Variants in LARP4 observed in about 807,000 individuals in gnomAD.
LARP4 encodes the protein la-related protein 4.
LARP4 carries 29 observed loss-of-function variants against 92.9 expected under a neutral mutation model. The observed-to-expected ratio is 0.31, with a 90% CI of 0.23 to 0.43. LARP4 has a LOEUF of 0.43. LARP4 is among the 20% of genes least tolerant of loss of function. The pLI, the probability that LARP4 is intolerant of heterozygous loss-of-function variation, is 1.00. For synonymous variants in LARP4, 279 were observed against 284.1 expected, an observed-to-expected ratio of 0.98 and a Z score of 0.18; for missense variants, 732 against 860.0, an observed-to-expected ratio of 0.85 and a Z score of 1.86.
chr12:50,408,091 A>G (rs550664032), intron 1 of LARP4, among the ~76,000 whole-genome samples: 6 of 147,840 alleles, frequency 4.1e-5, no homozygotes, highest in African/African-American at 1.5e-4. Flanking sequence ...TAGGGGTAGG[A>G]TGTGAACTGC....
At chr12:50,401,053 C>A in intron 1 of LARP4, 25 bp downstream of exon 1, 1 of 1,613,858 alleles carries the variant, frequency 6.2e-7, no homozygotes, top group African/African-American at 1.3e-5. Flanking sequence ...CTAGTCTCGT[C>A]CTGCTCTTAG....
intron 10 of LARP4, among the ~76,000 whole-genome samples, chr12:50,459,284 CCA>C (rs1330473367): frequency 2.6e-5 from 4 of 152,130 alleles, no homozygotes; most frequent in Admixed American, 1.3e-4. Context: ...CAGGCGTGAG[CCA>C]CCATGCCCGG....
At chr12:50,473,310 A>T in intron 13 of LARP4, 105 bp from the exon 14 acceptor site, 2 of 764,982 alleles carry the variant, frequency 2.6e-6, no homozygotes, top group Non-Finnish European at 4.3e-6. Context: ...TTTGCATTTT[A>T]TGATGACTAA....
At chr12:50,415,489 C>T (rs1036037175) in intron 1 of LARP4, among the ~76,000 whole-genome samples, 3 of 151,896 alleles carry the variant, frequency 2.0e-5, no homozygotes, top group South Asian at 4.1e-4. Flanking sequence ...CATAATCCTC[C>T]GATATTTGGA....
At chr12:50,448,935 C>T (rs1486571512) in intron 8 of LARP4, among the ~76,000 whole-genome samples, 3 of 152,132 alleles carry the variant, frequency 2.0e-5, no homozygotes, top group African/African-American at 7.2e-5. Flanking sequence ...CCTGATTCCC[C>T]TTCTTTCTCG....
In LARP4 at chr12:50,437,792, G is replaced by A. The variant is rs1418998899; in HGVS notation, c.593G>A (p.Arg198His). Residue 198 changes from arginine (R) to histidine (H), a missense_variant, in exon 6 of 16, where the codon CGT becomes CAT. By Grantham distance (29) the Arg-to-His change is conservative. This residue lies in a region of LARP4 where 236 missense variants were observed against 307.6 expected (regional missense o/e 0.77). Transcript: ENST00000398473. The stretch of plus-strand genomic sequence containing the variant: ...GAGAAAGTGAGACCAAGTCATAAGC[G>A]TTGTATTGTAATTCTTAGAGAGATT... ...KGEKVRPSHK[R>H]CIVILREIPE... 1.2e-6 allele frequency: 2 copies of A among 1,611,236 alleles called. No individual in the cohort carries two copies. Among genetic ancestry groups the A allele is most frequent in the Admixed American group, 1.7e-5 (1 of 59,978 alleles).
At chr12:50,450,232 C>G (rs946756200) in intron 8 of LARP4, among the ~76,000 whole-genome samples, 1 of 151,932 alleles carries the variant, frequency 6.6e-6, no homozygotes, top group African/African-American at 2.4e-5. Context: ...GCCTGGCCAG[C>G]CGTAGCAATC....
At chr12:50,431,566 G>A (rs1949663293) in intron 4 of LARP4, among the ~76,000 whole-genome samples, 1 of 152,100 alleles carries the variant, frequency 6.6e-6, no homozygotes, top group Non-Finnish European at 1.5e-5. Flanking sequence ...AGAATAATGG[G>A]CCAGGCGCAG....
intron 1 of LARP4, among the ~76,000 whole-genome samples, chr12:50,408,381 G>C (rs1424363408): frequency 6.6e-6 from 1 of 151,690 alleles, no homozygotes; most frequent in Non-Finnish European, 1.5e-5. Context: ...ATTTTTAGTA[G>C]AGACAGGGAT....
At chr12:50,473,858 C>A (rs1345448837) in intron 14 of LARP4, 141 bp from the exon 15 acceptor site, 8 of 555,240 alleles carry the variant, frequency 1.4e-5, no homozygotes, top group African/African-American at 1.3e-4. Flanking sequence ...TGCAGTGAGC[C>A]AAGAGCATGC....
At chr12:50,410,553 C>T (rs1220719574) in intron 1 of LARP4, among the ~76,000 whole-genome samples, 1 of 151,532 alleles carries the variant, frequency 6.6e-6, no homozygotes, top group Middle Eastern at 3.2e-3. Context: ...TTACAGGCGC[C>T]CACCACCACG....
At chr12:50,445,936 T>C (rs1310372185) in intron 8 of LARP4, among the ~76,000 whole-genome samples, 1 of 152,104 alleles carries the variant, frequency 6.6e-6, no homozygotes, top group African/African-American at 2.4e-5. Flanking sequence ...TTTTTTTGAT[T>C]CTTTTTCACC....
intron 1 of LARP4, among the ~76,000 whole-genome samples, chr12:50,413,029 A>C (rs1479188493): frequency 6.6e-6 from 1 of 151,866 alleles, no homozygotes; most frequent in Non-Finnish European, 1.5e-5. Flanking sequence ...TGAGAACAGC[A>C]TGACCAACAT....
In LARP4 at chr12:50,400,909, G is replaced by T. The variant is rs1004125893; in HGVS notation, c.-102G>T. ...GAGCCGGGTCCACTGCCGGGTGGAG[G>T]GGCAAGGCGAGTGTGTGTCCTTATC... On this transcript the variant is annotated 5_prime_UTR_variant, in exon 1 of 16. Coordinates refer to ENST00000398473, the MANE Select transcript of LARP4 (RefSeq NM_052879.5). 47 of 1,527,012 alleles carry T rather than the reference G, an allele frequency of 3.1e-5. No individual in the cohort carries two copies. The highest frequency in any genetic ancestry group is 4.1e-5 in the Non-Finnish European group (45 of 1,100,760). 94.6% of individuals were successfully genotyped at this position (1,527,012 alleles called of 1,614,324 possible).
intron 5 of LARP4, among the ~76,000 whole-genome samples, chr12:50,435,923 G>A (rs995024878): frequency 2.6e-5 from 4 of 151,802 alleles, no homozygotes; most frequent in African/African-American, 7.3e-5. Flanking sequence ...GACCCCAGGC[G>A]CACACCACCA....
chr12:50,403,724 T>A (rs527555530), intron 1 of LARP4, among the ~76,000 whole-genome samples: 189 of 152,300 alleles, frequency 1.2e-3, no homozygotes, highest in African/African-American at 4.5e-3. Flanking sequence ...TACCTTTTAC[T>A]TATGTGTATT....
At chr12:50,459,045 C>G (rs1954843866) in intron 10 of LARP4, among the ~76,000 whole-genome samples, 1 of 152,146 alleles carries the variant, frequency 6.6e-6, no homozygotes, top group African/African-American at 2.4e-5. Flanking sequence ...GTTGCCCAGG[C>G]TGGAGTGCAA....
chr12:50,431,261 T>TC (rs1295074420), intron 4 of LARP4, among the ~76,000 whole-genome samples: 4 of 151,976 alleles, frequency 2.6e-5, no homozygotes, highest in African/African-American at 9.7e-5. Context: ...AGAGCGAAAC[T>TC]CCATCTCAAA....
At chr12:50,426,684 G>GGGGTGTGTGTGT (rs774548049) in intron 1 of LARP4, among the ~76,000 whole-genome samples, 47 of 86,170 alleles carry the variant, frequency 5.5e-4, no homozygotes, top group East Asian at 2.1e-3. Flanking sequence ...TTATGTTTGG[G>GGGGTGTGTGTGT]GTGTGTGTGT....
Sources: allele counts gnomAD v4.1 joint callset (sites outside exome capture counted in the v4.1 genomes callset), GRCh38; gene constraint gnomAD v4.1.1; regional missense constraint gnomAD v4.1.1; transcripts MANE v1.5; gene names NCBI Gene and HGNC (gene_info 2026-07-23, HGNC 2026-07-21).